PKIG: variants seen among roughly 807,000 people sequenced by gnomAD.
PKIG encodes the protein protein kinase (cAMP-dependent, catalytic) inhibitor gamma.
PKIG carries 1 observed loss-of-function variant against 6.8 expected under a neutral mutation model. The observed-to-expected ratio is 0.15, with a 90% CI of 0.05 to 0.69. The LOEUF (loss-of-function observed/expected upper bound fraction) is 0.69. Ranked by LOEUF, PKIG falls within the 30% of genes least tolerant of loss-of-function variation. The probability of loss-of-function intolerance (pLI) is 0.82; values close to 1 mark genes in which losing one functional copy is unlikely to be tolerated. For synonymous variants in PKIG, 39 were observed against 43.0 expected (o/e 0.91, Z 0.36); for missense variants, 77 against 104.0 (o/e 0.74, Z 1.13).
At chr20:44,558,582 C>CTTTCTTTCTTTCTTTCTT (rs2064737426) in intron 1 of PKIG, among the ~76,000 whole-genome samples, 1 of 144,700 alleles carries the variant, frequency 6.9e-6, no homozygotes, top group African/African-American at 2.6e-5. Context: ...TTTTTTCTTT[C>CTTTCTTTCTTTCTTTCTT]TTTCTTTCTT....
intron 2 of PKIG, among the ~76,000 whole-genome samples, chr20:44,608,239 AAG>A (rs2065184710): frequency 6.6e-6 from 1 of 152,254 alleles, no homozygotes; most frequent in Admixed American, 6.5e-5. Flanking sequence ...TCACTATAAA[AAG>A]GAAATATAAC....
chr20:44,564,410 C>T (rs546497996), intron 1 of PKIG: 1 of 152,088 alleles, frequency 6.6e-6, no homozygotes, highest in East Asian at 1.9e-4. Context: ...TTTCTGCTAC[C>T]GTGGTATCAC....
chr20:44,537,514 G>A (rs536592645), intron 1 of PKIG, among the ~76,000 whole-genome samples: 16 of 151,828 alleles, frequency 1.1e-4, no homozygotes, highest in Non-Finnish European at 2.2e-4. Flanking sequence ...GATTACAGGC[G>A]TGAGCCACCG....
At chr20:44,538,823 A>G (rs1195662776) in intron 1 of PKIG, among the ~76,000 whole-genome samples, 1 of 152,092 alleles carries the variant, frequency 6.6e-6, no homozygotes, top group Non-Finnish European at 1.5e-5. Flanking sequence ...GAGTCTCGCT[A>G]TGTTGCTCAT....
At chr20:44,611,206 T>A (rs1026910901) in intron 2 of PKIG, among the ~76,000 whole-genome samples, 15 of 151,726 alleles carry the variant, frequency 9.9e-5, no homozygotes, top group African/African-American at 3.4e-4. Flanking sequence ...AGGCGTGTGC[T>A]ACCACACCCG....
At chr20:44,587,586 A>G (rs1191057812) in intron 1 of PKIG, among the ~76,000 whole-genome samples, 1 of 152,172 alleles carries the variant, frequency 6.6e-6, no homozygotes, top group East Asian at 1.9e-4. Flanking sequence ...GTTTGTTTTT[A>G]TAACATTTAT....
intron 1 of PKIG, among the ~76,000 whole-genome samples, chr20:44,555,436 T>C (rs2064704790): frequency 6.6e-6 from 1 of 152,360 alleles, no homozygotes; most frequent in Admixed American, 6.5e-5. Context: ...ATAAATATTC[T>C]TGTAAACATT....
At chr20:44,533,025 C>T (rs1052170679) in intron 1 of PKIG, among the ~76,000 whole-genome samples, 3 of 152,086 alleles carry the variant, frequency 2.0e-5, no homozygotes, top group Non-Finnish European at 2.9e-5. Flanking sequence ...AGTGGGAAGC[C>T]ATCAAAGGGT....
At chr20:44,607,375 ATATTTTTTTTT>A (rs1351906591) in intron 2 of PKIG, among the ~76,000 whole-genome samples, 1 of 106,250 alleles carries the variant, frequency 9.4e-6, no homozygotes, top group Non-Finnish European at 1.8e-5. Flanking sequence ...ATATATATAT[ATATTTTTTTTT>A]TTTTTTTTTT....
intron 1 of PKIG, among the ~76,000 whole-genome samples, chr20:44,585,746 G>A (rs1217338269): frequency 6.6e-6 from 1 of 152,250 alleles, no homozygotes; most frequent in Non-Finnish European, 1.5e-5. Flanking sequence ...AGGCAGGTGT[G>A]TTCTCCAGTT....
At chr20:44,586,561 G>A (rs1053806994) in intron 1 of PKIG, among the ~76,000 whole-genome samples, 11 of 152,232 alleles carry the variant, frequency 7.2e-5, no homozygotes, top group African/African-American at 2.7e-4. Flanking sequence ...CCCTAGCCCA[G>A]CCACTTAAGG....
intron 1 of PKIG, among the ~76,000 whole-genome samples, chr20:44,567,607 C>T (rs1319348534): frequency 6.6e-6 from 1 of 152,186 alleles, no homozygotes; most frequent in Non-Finnish European, 1.5e-5. Flanking sequence ...GAGCTCATTT[C>T]TTCCCACTTT....
intron 2 of PKIG, among the ~76,000 whole-genome samples, chr20:44,596,686 G>A (rs941085224): frequency 4.6e-5 from 7 of 152,176 alleles, no homozygotes; most frequent in Non-Finnish European, 1.0e-4. Flanking sequence ...TCCTGCAGCT[G>A]AAGACGGCAG....
At chr20:44,565,361 G>T (rs1172728804) in intron 1 of PKIG, among the ~76,000 whole-genome samples, 1 of 152,178 alleles carries the variant, frequency 6.6e-6, no homozygotes, top group Non-Finnish European at 1.5e-5. Context: ...TATTGGTCAG[G>T]ATTCTTAGTA....
chr20:44,615,417 T>C (rs2065255574), intron 3 of PKIG, among the ~76,000 whole-genome samples: 1 of 152,246 alleles, frequency 6.6e-6, no homozygotes. Context: ...GCAGAGGCCT[T>C]GCATTCTGTT....
At chr20:44,535,245 A>G (rs2064501855) in intron 1 of PKIG, among the ~76,000 whole-genome samples, 2 of 152,190 alleles carry the variant, frequency 1.3e-5, no homozygotes, top group Non-Finnish European at 2.9e-5. Context: ...TAGTTTTCCC[A>G]TGGGAACATC....
intron 2 of PKIG, among the ~76,000 whole-genome samples, chr20:44,603,000 G>A (rs1233982542): frequency 1.3e-5 from 2 of 152,142 alleles, no homozygotes; most frequent in African/African-American, 4.8e-5. Flanking sequence ...ATGCAGGGCC[G>A]CACATTCTTT....
At position 44,614,421 on chromosome 20, in the gene PKIG, AAG is replaced by A. The variant is rs2065245343; in HGVS notation, c.-23-110_-23-109del. The A allele has an allele frequency of 1.9e-5, 14 of 730,472 alleles. No individual in the cohort carries two copies. The highest frequency in any genetic ancestry group is 3.2e-5 in the Non-Finnish European group (14 of 439,786). 45.2% of individuals were successfully genotyped at this position (730,472 alleles called of 1,614,324 possible). On this transcript the variant is annotated intron_variant, in intron 2 of 3. Transcript: ENST00000372886. This position sits in a 1 kb window ranked among gnomAD's most constrained non-coding sequence, Gnocchi z 4.6. ...CTGTGCTTTTTGCTTTGTTTTCAAT[AAG>A]AGGCAATAACTGTCATTTTGACAGA...
intron 1 of PKIG, among the ~76,000 whole-genome samples, chr20:44,543,131 A>G (rs778904914): frequency 4.6e-5 from 7 of 152,136 alleles, no homozygotes; most frequent in Non-Finnish European, 7.4e-5. Context: ...AATATACTTA[A>G]CCTTTCTAAG....
Sources: gnomAD v4.1 joint callset for allele counts (sites outside exome capture counted in the v4.1 genomes callset) on GRCh38, gnomAD v4.1.1 for gene constraint, Gnocchi (gnomAD v3.1) non-coding constraint, MANE v1.5 for transcripts, NCBI Gene and HGNC (gene_info 2026-07-23, HGNC 2026-07-21) for gene names.